PODXL2: variants seen among roughly 807,000 people sequenced by gnomAD.
PODXL2 encodes the protein podocalyxin-like protein 2.
In PODXL2, 17 loss-of-function variants were observed where a neutral mutation model predicts 53.4. That is an observed-to-expected ratio of 0.32 (90% CI 0.22 to 0.48). The LOEUF is 0.48. PODXL2 is among the 20% of genes least tolerant of loss of function. PODXL2 has a pLI of 0.99. For missense variants in PODXL2, 673 were observed against 760.0 expected, an observed-to-expected ratio of 0.89 and a Z score of 1.35; for synonymous variants, 311 against 306.7, an observed-to-expected ratio of 1.01 and a Z score of -0.15.
intron 1 of PODXL2, among the ~76,000 whole-genome samples, 190 bp from the exon 2 acceptor site, chr3:127,639,055 C>G (rs1425663618): frequency 6.6e-6 from 1 of 152,258 alleles, no homozygotes; most frequent in Non-Finnish European, 1.5e-5. Flanking sequence ...ATAGGGAAGT[C>G]TAAGCAATTT....
rs1453318935 is a variant in PODXL2 at position 127,661,046 on chromosome 3, G to A, written c.1018G>A (p.Asp340Asn). ...TSASSPLAPG[D>N]MELTPSSATL... ...AGCCTCTTCCCCACTGGCCCCTGGA[G>A]ACATGGAACTGACACCTTCCTCTGC... Residue 340 changes from aspartate (D) to asparagine (N), a missense_variant, in exon 3 of 8, where the codon GAC (aspartate) becomes AAC (asparagine). Coordinates refer to ENST00000342480, the MANE Select transcript of PODXL2 (RefSeq NM_015720.4). 1.2e-6 allele frequency: 2 copies of A among 1,614,206 alleles called. No homozygotes were observed. Among genetic ancestry groups the A allele is most frequent in the South Asian group, 1.1e-5 (1 of 91,088 alleles).
At chr3:127,663,275 G>A (rs1350124882) in intron 4 of PODXL2, among the ~76,000 whole-genome samples, 1 of 152,218 alleles carries the variant, frequency 6.6e-6, no homozygotes, top group Non-Finnish European at 1.5e-5. Context: ...CATCTGGGGA[G>A]TGTCAATCAG....
rs2074528215 is a variant in PODXL2 at position 127,629,548 on chromosome 3, G to A, written c.70+259G>A. ...TGGGACACAGCACCGTGGCCCCCAC[G>A]CCGCGGCTCTCAGGGGCAGGTGCGC... On this transcript the variant is annotated intron_variant, in intron 1 of 7. Transcript: ENST00000342480. The surrounding 1 kb of genome is among the most constrained non-coding windows in gnomAD (Gnocchi z 6.4). Among the ~76,000 whole-genome samples the A allele has an allele frequency of 6.6e-6, 1 of 151,740 alleles. No homozygotes were observed. Among genetic ancestry groups the A allele is most frequent in the African/African-American group, 2.4e-5 (1 of 41,374 alleles).
chr3:127,659,991 G>A (rs376930324), intron 2 of PODXL2, among the ~76,000 whole-genome samples: 63 of 152,284 alleles, frequency 4.1e-4, no homozygotes, highest in African/African-American at 1.4e-3. Context: ...AAAGGAGTAG[G>A]GGGACCCTTC....
At position 127,672,468 on chromosome 3, in the gene PODXL2, C is replaced by G. The variant is rs776984004; in HGVS notation, c.1806C>G (p.Asp602Glu). 28 of 1,518,550 alleles carry G rather than the reference C, an allele frequency of 1.8e-5. No homozygotes were observed. In the South Asian group the frequency reaches 3.4e-4, roughly 19 times the overall value. The allele number at this position is 1,518,550 out of a possible 1,614,324, so 94.1% of individuals were successfully genotyped here. Residue 602 changes from aspartate (D) to glutamate (E), a missense_variant, in exon 8 of 8, where the codon GAC (aspartate) becomes GAG (glutamate). Physicochemically the swap from Asp to Glu is conservative, Grantham distance 45 (BLOSUM62 2). Coordinates refer to ENST00000342480, the MANE Select transcript of PODXL2 (RefSeq NM_015720.4). ...DPEDSDVFEEDTHL is the reference protein window; with the variant it reads ...DPEDSDVFEEETHL Reference sequence around the variant, plus strand: ...AGGACTCGGACGTGTTCGAGGAGGACACGCACCTGTGAGCGCAGCCGAGGC... The same window carrying G: ...AGGACTCGGACGTGTTCGAGGAGGAGACGCACCTGTGAGCGCAGCCGAGGC...
intron 1 of PODXL2, among the ~76,000 whole-genome samples, chr3:127,632,135 A>G (rs1018447059): frequency 3.3e-5 from 5 of 152,220 alleles, no homozygotes; most frequent in African/African-American, 1.2e-4. Flanking sequence ...TGGACTGACT[A>G]GAAAGTGTTT....
chr3:127,660,311 C>G, intron 2 of PODXL2, 67 bp from the exon 3 acceptor site: 2 of 1,561,692 alleles, frequency 1.3e-6, no homozygotes, highest in Non-Finnish European at 1.7e-6. Context: ...TGCCATCTGC[C>G]CAGTAAATAC....
At chr3:127,658,826 A>G (rs1172527188) in intron 2 of PODXL2, among the ~76,000 whole-genome samples, 1 of 28,060 alleles carries the variant, frequency 3.6e-5, no homozygotes, top group East Asian at 4.5e-4. Context: ...GCCAGCTCTG[A>G]AACTTTTTTT....
chr3:127,665,670 A>G (rs779453034), intron 4 of PODXL2, among the ~76,000 whole-genome samples: 1 of 152,212 alleles, frequency 6.6e-6, no homozygotes, highest in African/African-American at 2.4e-5. Context: ...AGGAGGAGAA[A>G]TATGTGGATC....
At chr3:127,634,304 A>G (rs763465274) in intron 1 of PODXL2, among the ~76,000 whole-genome samples, 31 of 152,192 alleles carry the variant, frequency 2.0e-4, no homozygotes, top group Non-Finnish European at 3.7e-4. Context: ...ACATGCCTGT[A>G]ATCCCTGCTA....
intron 4 of PODXL2, 104 bp from the exon 5 acceptor site, chr3:127,668,337 C>A: frequency 2.8e-6 from 3 of 1,068,734 alleles, no homozygotes; most frequent in Non-Finnish European, 3.7e-6. Context: ...TCTCTTGGAA[C>A]AGCCAGAGGG....
chr3:127,666,316 T>C (rs917903121), intron 4 of PODXL2, among the ~76,000 whole-genome samples: 2 of 152,106 alleles, frequency 1.3e-5, no homozygotes, highest in South Asian at 2.1e-4. Context: ...GTCAGGACCA[T>C]TGCCCATGTT....
At chr3:127,663,127 G>T (rs2074777586) in intron 4 of PODXL2, among the ~76,000 whole-genome samples, 1 of 152,178 alleles carries the variant, frequency 6.6e-6, no homozygotes, top group African/African-American at 2.4e-5. Context: ...CCAGGGAGAA[G>T]GGACATTTCT....
chr3:127,661,931 T>G (rs915003002), intron 3 of PODXL2, among the ~76,000 whole-genome samples: 3 of 152,204 alleles, frequency 2.0e-5, no homozygotes, highest in African/African-American at 7.2e-5. Context: ...AACTTGCCCT[T>G]GAAAGCCAGC....
chr3:127,647,764 G>A (rs73861554), intron 2 of PODXL2, among the ~76,000 whole-genome samples: 5,917 of 152,284 alleles, frequency 0.039, 302 homozygotes, highest in African/African-American at 0.11. Flanking sequence ...GCACCCCGCA[G>A]AAAGGGAGCT....
intron 2 of PODXL2, among the ~76,000 whole-genome samples, chr3:127,654,835 C>G (rs1397186094): frequency 6.6e-6 from 1 of 152,140 alleles, no homozygotes; most frequent in African/African-American, 2.4e-5. Flanking sequence ...GCCTATAATC[C>G]CAGCACTTTG....
intron 2 of PODXL2, among the ~76,000 whole-genome samples, chr3:127,645,844 A>C (rs2074654620): frequency 6.6e-6 from 1 of 152,190 alleles, no homozygotes; most frequent in Non-Finnish European, 1.5e-5. Flanking sequence ...CCCCGGAGCC[A>C]CAGGCTTCTG....
intron 2 of PODXL2, among the ~76,000 whole-genome samples, chr3:127,645,637 T>A (rs1346741068): frequency 6.6e-6 from 1 of 152,244 alleles, no homozygotes; most frequent in Non-Finnish European, 1.5e-5. Flanking sequence ...CATCTCCGTG[T>A]ACTGGCAGTG....
chr3:127,630,994 C>T (rs540742982), intron 1 of PODXL2, among the ~76,000 whole-genome samples: 1 of 152,352 alleles, frequency 6.6e-6, no homozygotes, highest in South Asian at 2.1e-4. Context: ...CAGCCTGCCT[C>T]CCGGCTCCTC....
Sources: gnomAD v4.1 joint callset for allele counts (sites outside exome capture counted in the v4.1 genomes callset) on GRCh38, gnomAD v4.1.1 for gene constraint, Gnocchi (gnomAD v3.1) non-coding constraint, MANE v1.5 for transcripts, NCBI Gene and HGNC (gene_info 2026-07-23, HGNC 2026-07-21) for gene names.